The following SLFN11 variants were observed in gnomAD, a reference collection of about 807,000 sequenced individuals.
The protein encoded by SLFN11 is schlafen family member 11.
A neutral mutation model predicts 53.4 loss-of-function variants in SLFN11; 43 were observed. The ratio of observed to expected loss-of-function variants is 0.80; its 90% CI spans 0.63 to 1.04. The LOEUF is 1.04. Ranked by LOEUF, SLFN11 falls within the 50% of genes least tolerant of loss-of-function variation. The probability of loss-of-function intolerance (pLI) is 0.00; values close to 1 mark genes in which losing one functional copy is unlikely to be tolerated. For synonymous variants in SLFN11, 389 were observed against 394.7 expected (o/e 0.99, Z 0.17); for missense variants, 990 against 1,079.1 (o/e 0.92, Z 1.16).
At chr17:35,362,487 G>C (rs1908349347) in intron 4 of SLFN11, among the ~76,000 whole-genome samples, 1 of 152,102 alleles carries the variant, frequency 6.6e-6, no homozygotes, top group Admixed American at 6.5e-5. Flanking sequence ...ACCATTGCAA[G>C]GGTGGCCATT....
At position 35,352,434 on chromosome 17, in the gene SLFN11, A is replaced by C; in HGVS notation, c.2628T>G (p.Ala876=). 1.2e-6 allele frequency: 2 copies of C among 1,614,270 alleles called. No individual in the cohort carries two copies. Among genetic ancestry groups the C allele is most frequent in the South Asian group, 2.2e-5 (2 of 91,088 alleles). The part of the protein sequence containing the change: ...FGIHPRTADP[A]ILPNVLICLA... ...GACAGATCAGAACATTGGGTAAGAT[A>C]GCTGGGTCAGCTGTCCTTGGATGGA... The change falls in exon 7 of 7, where the codon GCT becomes GCG. Residue 876 remains alanine (A), a synonymous_variant. Transcript: ENST00000685675.
At position 35,352,582 on chromosome 17, in the gene SLFN11, A is replaced by C; in HGVS notation, c.2480T>G (p.Leu827Trp). The change falls in exon 7 of 7, where the codon TTG (leucine) becomes TGG (tryptophan). Residue 827 changes from leucine to tryptophan, a missense_variant. Transcript: ENST00000685675. ...KEVEHYKYEL[L>W]KAMRKKRVVQ... ...CACCCTTTTCTTCCTCATTGCTTTC[A>C]AGAGCTCATACTTATAGTGCTCCAC... is the stretch of plus-strand genomic sequence containing the variant. 1 of 1,614,226 alleles carries C rather than the reference A, an allele frequency of 6.2e-7. No homozygotes were observed. The highest frequency in any genetic ancestry group is 8.5e-7 in the Non-Finnish European group (1 of 1,180,050).
intron 5 of SLFN11, among the ~76,000 whole-genome samples, chr17:35,355,940 T>C (rs561767890): frequency 4.6e-5 from 7 of 152,138 alleles, no homozygotes; most frequent in Admixed American, 6.5e-5. Context: ...AATTTCACCA[T>C]GGATCTAGGG....
chr17:35,361,895 C>A (rs1908268359), intron 4 of SLFN11, among the ~76,000 whole-genome samples: 1 of 151,986 alleles, frequency 6.6e-6, no homozygotes, highest in Non-Finnish European at 1.5e-5. Flanking sequence ...CAGGCACGCA[C>A]CACCACGTCT....
intron 5 of SLFN11, among the ~76,000 whole-genome samples, chr17:35,357,003 A>G (rs924123018): frequency 2.0e-5 from 3 of 152,070 alleles, no homozygotes; most frequent in African/African-American, 7.2e-5. Flanking sequence ...TCATTTTTTA[A>G]CAATCCAGTA....
At chr17:35,356,658 T>A (rs974451782) in intron 5 of SLFN11, among the ~76,000 whole-genome samples, 6 of 152,088 alleles carry the variant, frequency 3.9e-5, no homozygotes, top group African/African-American at 1.4e-4. Flanking sequence ...TCTAACACAG[T>A]ATTTTATGGA....
rs765624106 is a variant in SLFN11, at chr17:35,356,169, G to A, written c.1199-2110C>T. The stretch of plus-strand genomic sequence containing the variant: ...GACAATCATTGCATTTCTTCCAAGA[G>A]AAGCACTGACAGCATTGATTCTGAA... On this transcript the variant is annotated intron_variant, in intron 5 of 6. Transcript: ENST00000685675. Among the ~76,000 whole-genome samples the A allele has an allele frequency of 2.6e-4, 40 of 152,056 alleles. 1 individual carries two copies. Among genetic ancestry groups the A allele is most frequent in the African/African-American group, 8.5e-4 (35 of 41,420 alleles).
Position 35,353,476 on chromosome 17 carries a change from C to T in SLFN11, c.1782G>A (p.Glu594=), listed in dbSNP as rs985533355. The T allele has an allele frequency of 1.3e-6, 2 of 1,590,054 alleles. No homozygotes were observed. The highest frequency in any genetic ancestry group is 1.7e-5 in the Admixed American group (1 of 57,398). ...IFSRSLRKNR[E]LFVHGLPGSG... ...AGCCAGGTAAGCCGTGGACAAACAA[C>T]TCTCTGTTCTTGCGGAGGCTTCTGG... Residue 594 remains glutamate, a synonymous_variant, in exon 6 of 7, where the codon GAG becomes GAA. Transcript: ENST00000685675.
At chr17:35,358,433 A>G (rs1056662911) in intron 5 of SLFN11, among the ~76,000 whole-genome samples, 2 of 151,546 alleles carry the variant, frequency 1.3e-5, no homozygotes, top group African/African-American at 4.8e-5. Flanking sequence ...GTATTGGCCA[A>G]TTAATATTAC....
At chr17:35,366,230 C>A (rs138652361) in intron 3 of SLFN11, among the ~76,000 whole-genome samples, 1 of 151,386 alleles carries the variant, frequency 6.6e-6, no homozygotes, top group East Asian at 1.9e-4. Flanking sequence ...TTGATAGGAA[C>A]GAAGTAAAAA....
chr17:35,358,000 A>C (rs938501873), intron 5 of SLFN11, among the ~76,000 whole-genome samples: 1 of 148,098 alleles, frequency 6.8e-6, no homozygotes, highest in Non-Finnish European at 1.5e-5. Context: ...TTGCTCATTT[A>C]GTTTTTATGT....
In SLFN11 at chr17:35,354,826, G is replaced by A. The variant is rs570461839; in HGVS notation, c.1199-767C>T. 3.9e-4 allele frequency among the ~76,000 whole-genome samples: 60 copies of A among 152,212 alleles called. No homozygotes were observed. In the South Asian group the frequency reaches 6.6e-3, roughly 17 times the overall value. On this transcript the variant is annotated intron_variant, in intron 5 of 6. Coordinates refer to ENST00000685675, the MANE Select transcript of SLFN11 (RefSeq NM_001376007.1). ...TTGTTGTCCTGTTGTGGTAGTGTTAGAGTACAAACCCAAATCAAGATTTGT... is the reference window on the plus strand; with the variant it reads ...TTGTTGTCCTGTTGTGGTAGTGTTAAAGTACAAACCCAAATCAAGATTTGT...
intron 3 of SLFN11, among the ~76,000 whole-genome samples, chr17:35,366,136 AG>A (rs1485571758): frequency 1.3e-5 from 2 of 152,142 alleles, no homozygotes; most frequent in African/African-American, 4.8e-5. Context: ...GGGAAAGGGT[AG>A]GATTTTATCA....
Position 35,352,763 on chromosome 17 carries a change from C to A in SLFN11, c.2299G>T (p.Ala767Ser). Residue 767 changes from alanine to serine, a missense_variant, in exon 7 of 7, where the codon GCC (alanine) becomes TCC (serine). This residue lies in a region of SLFN11 where 313 missense variants were observed against 320.9 expected (regional missense o/e 0.98). Coordinates refer to ENST00000685675, the MANE Select transcript of SLFN11 (RefSeq NM_001376007.1). The part of the protein sequence containing the change: ...PTGCLEVFPE[A>S]EWSQGVQGTL... ...CCCTGAACACCCTGGGACCATTCGG[C>A]TTCAGGAAATACCTCGAGGCACCCA... 6.2e-7 allele frequency: 1 copy of A among 1,614,220 alleles called. No individual in the cohort carries two copies.
intron 2 of SLFN11, chr17:35,367,386 G>A (rs554748332): frequency 6.6e-6 from 1 of 152,188 alleles, no homozygotes; most frequent in South Asian, 2.1e-4. Context: ...TCTATCTCAA[G>A]CTCTTTCCTT....
rs1397842573 is a variant in SLFN11 at position 35,351,705 on chromosome 17, C to G, written c.*651G>C. On this transcript the variant is annotated 3_prime_UTR_variant, in exon 7 of 7. Transcript: ENST00000685675. The stretch of plus-strand genomic sequence containing the variant: ...TCTCCTTAAAGTGACCATTAATATT[C>G]ACTATCACAATTAAGGCTTGGTCTG... 1 of 152,190 alleles carries G rather than the reference C, an allele frequency of 6.6e-6. No homozygotes were observed. The highest frequency in any genetic ancestry group is 1.5e-5 in the Non-Finnish European group (1 of 68,078). 9.4% of individuals were successfully genotyped at this position (152,190 alleles called of 1,614,324 possible). A position where few individuals can be genotyped will look rare whatever the true frequency, so the allele number is the denominator to read the frequency against.
At chr17:35,356,972 A>G (rs1217691676) in intron 5 of SLFN11, among the ~76,000 whole-genome samples, 1 of 152,082 alleles carries the variant, frequency 6.6e-6, no homozygotes, top group Non-Finnish European at 1.5e-5. Context: ...ACTAGCAAAT[A>G]AGAGATAATG....
rs751652171 is a variant in SLFN11 at position 35,352,940 on chromosome 17, T to TGGTC, written c.2118_2121dup (p.Ser708AspfsTer43). The TGGTC allele has an allele frequency of 2.9e-5, 47 of 1,614,094 alleles. No homozygotes were observed. The highest frequency in any genetic ancestry group is 3.7e-5 in the Non-Finnish European group (44 of 1,180,042). The stretch of plus-strand genomic sequence containing the variant: ...GGGAGGCCACTGCAATCCAAGTGGC[T>TGGTC]GGTCTGAAAGTAATCCAGAAAGATC... On this transcript the variant is annotated frameshift_variant, in exon 7 of 7. Coordinates refer to ENST00000685675, the MANE Select transcript of SLFN11 (RefSeq NM_001376007.1). LOFTEE classifies it low-confidence loss of function (END_TRUNC).
rs201835215 is a variant in SLFN11 at position 35,360,284 on chromosome 17, C to G, written c.1157G>C (p.Gly386Ala). The G allele has an allele frequency of 6.2e-7, 1 of 1,610,800 alleles. No individual in the cohort carries two copies. Among genetic ancestry groups the G allele is most frequent in the Non-Finnish European group, 8.5e-7 (1 of 1,179,040 alleles). Residue 386 changes from glycine (G) to alanine (A), a missense_variant, in exon 5 of 7, where the codon GGC becomes GCC. Physicochemically the swap from Gly to Ala is moderately conservative, Grantham distance 60. Transcript: ENST00000685675. ...PLSRPVYSKK[G>A]LEHKKELQQL... is the part of the protein sequence containing the mutation. ...CTGGAGTTCCTTTTTATGTTCCAGGCCTTTCTTGGAGTACACTGGTCTGCT... is the reference window on the plus strand; with the variant it reads ...CTGGAGTTCCTTTTTATGTTCCAGGGCTTTCTTGGAGTACACTGGTCTGCT...
Sources: allele counts gnomAD v4.1 joint callset (sites outside exome capture counted in the v4.1 genomes callset), GRCh38; gene constraint gnomAD v4.1.1; regional missense constraint gnomAD v4.1.1; transcripts MANE v1.5; gene names NCBI Gene and HGNC (gene_info 2026-07-23, HGNC 2026-07-21).